Variants in ONECUT2 observed in about 807,000 individuals in gnomAD.
ONECUT2 encodes one cut homeobox 2.
Under a neutral mutation model 27.9 loss-of-function variants are expected in ONECUT2, and 10 were observed. The observed-to-expected ratio is 0.36, with a 90% confidence interval of 0.22 to 0.61. The LOEUF (loss-of-function observed/expected upper bound fraction) is 0.61, where lower values mean the gene tolerates loss of function less well. Among genes scored for constraint, ONECUT2 ranks in the 20% least tolerant of loss-of-function variants. The probability of loss-of-function intolerance (pLI) is 0.73; values close to 1 mark genes in which losing one functional copy is unlikely to be tolerated. For synonymous variants in ONECUT2, 334 were observed against 315.1 expected (o/e 1.06, Z -0.64); for missense variants, 686 against 721.0 (o/e 0.95, Z 0.56).
At chr18:57,467,884 G>C (rs190014526) in intron 1 of ONECUT2, among the ~76,000 whole-genome samples, 1 of 152,156 alleles carries the variant, frequency 6.6e-6, no homozygotes, top group Non-Finnish European at 1.5e-5. Flanking sequence ...TGTGTGCATC[G>C]TGCATGGCCC....
Position 57,478,128 on chromosome 18 carries a change from G to T in ONECUT2, c.*1405G>T, listed in dbSNP as rs1418121782. The T allele has an allele frequency of 6.6e-6, 1 of 152,632 alleles. No individual in the cohort carries two copies. Among genetic ancestry groups the T allele is most frequent in the African/African-American group, 2.4e-5 (1 of 41,450 alleles). The allele number at this position is 152,632 out of a possible 1,614,324, so 9.5% of individuals were successfully genotyped here. A position where few individuals can be genotyped will look rare whatever the true frequency, so the allele number is the denominator to read the frequency against. ...ATGGCATTCAGCTCTTGCATTTGGC[G>T]CATCATCGGGCTGAGCGGACCAGCT... On this transcript the variant is annotated 3_prime_UTR_variant, in exon 2 of 2. Transcript: ENST00000491143.
At position 57,459,833 on chromosome 18, in the gene ONECUT2, A is replaced by G. The variant is rs142087343; in HGVS notation, c.1229-16604A>G. On this transcript the variant is annotated intron_variant, in intron 1 of 1. Transcript: ENST00000491143. ...CTCAGCCTCCCAAAGTGCTGGGATTATAGGCGTGAGCCACCATGCCCGGCC... is the reference window on the plus strand; with the variant it reads ...CTCAGCCTCCCAAAGTGCTGGGATTGTAGGCGTGAGCCACCATGCCCGGCC... Among the ~76,000 whole-genome samples the G allele has an allele frequency of 7.8e-3, 1,188 of 152,350 alleles. 19 individuals are homozygous for G. The highest frequency in any genetic ancestry group is 0.026 in the African/African-American group (1,094 of 41,582).
chr18:57,470,561 A>T (rs906798438), intron 1 of ONECUT2, among the ~76,000 whole-genome samples: 4 of 152,138 alleles, frequency 2.6e-5, no homozygotes, highest in African/African-American at 9.7e-5. Flanking sequence ...GAAACTGACA[A>T]CCCTGGACTG....
chr18:57,448,038 T>C (rs1249952583), intron 1 of ONECUT2, among the ~76,000 whole-genome samples: 8 of 146,370 alleles, frequency 5.5e-5, no homozygotes, highest in Non-Finnish European at 1.1e-4. Context: ...CCCCTGACTC[T>C]GGCCTTTTTC....
intron 1 of ONECUT2, among the ~76,000 whole-genome samples, chr18:57,442,220 T>TAGGATGAG (rs1360614585): frequency 6.7e-6 from 1 of 148,640 alleles, no homozygotes; most frequent in African/African-American, 2.5e-5. Context: ...TAAGTGGGAG[T>TAGGATGAG]AGGATGAGAA....
chr18:57,470,250 G>T (rs1301488123), intron 1 of ONECUT2, among the ~76,000 whole-genome samples: 1 of 152,140 alleles, frequency 6.6e-6, no homozygotes, highest in Non-Finnish European at 1.5e-5. Context: ...AGTTGAGTGG[G>T]GAGTTCCAGT....
At position 57,476,860 on chromosome 18, in the gene ONECUT2, A is replaced by G. The variant is rs1303915826; in HGVS notation, c.*137A>G. ...TTGAAAGCACAATTCTCTTGCAAAGAAACTTATATTCTAGCTGTAATCATA... is the reference window on the plus strand; with the variant it reads ...TTGAAAGCACAATTCTCTTGCAAAGGAACTTATATTCTAGCTGTAATCATA... On this transcript the variant is annotated 3_prime_UTR_variant, in exon 2 of 2. Coordinates refer to ENST00000491143, the MANE Select transcript of ONECUT2 (RefSeq NM_004852.3). 2.0e-6 allele frequency: 2 copies of G among 985,174 alleles called. No individual in the cohort carries two copies. Among genetic ancestry groups the G allele is most frequent in the Admixed American group, 5.7e-5 (2 of 35,232 alleles). 61.0% of individuals were successfully genotyped at this position (985,174 alleles called of 1,614,324 possible).
chr18:57,476,332 A>G, intron 1 of ONECUT2, 105 bp from the exon 2 acceptor site: 1 of 1,207,392 alleles, frequency 8.3e-7, no homozygotes, highest in East Asian at 2.5e-5. Flanking sequence ...TGCACAATAA[A>G]GTTTAACGGT....
intron 1 of ONECUT2, among the ~76,000 whole-genome samples, chr18:57,442,217 G>A (rs1308134600): frequency 2.6e-5 from 4 of 151,124 alleles, no homozygotes; most frequent in Non-Finnish European, 4.4e-5. Flanking sequence ...ACCTAAGTGG[G>A]AGTAGGATGA....
At chr18:57,459,495 A>T (rs2050278209) in intron 1 of ONECUT2, among the ~76,000 whole-genome samples, 2 of 152,220 alleles carry the variant, frequency 1.3e-5, no homozygotes, top group Admixed American at 1.3e-4. Flanking sequence ...ATTTTATCCC[A>T]TGGTATTATT....
Position 57,435,672 on chromosome 18 carries a change from G to A in ONECUT2, c.-45G>A. 1 of 708,418 alleles carries A rather than the reference G, an allele frequency of 1.4e-6. No individual in the cohort carries two copies. Among genetic ancestry groups the A allele is most frequent in the Non-Finnish European group, 1.8e-6 (1 of 563,078 alleles). The allele number at this position is 708,418 out of a possible 1,614,324, so 43.9% of individuals were successfully genotyped here. A position where few individuals can be genotyped will look rare whatever the true frequency, so the allele number is the denominator to read the frequency against. Reference sequence around the variant, plus strand: ...GCCACGCGCGCCTTGCCCGCCCGCCGGCCGCCCCCGCCGCCCCCGCCGCCC... The same window carrying A: ...GCCACGCGCGCCTTGCCCGCCCGCCAGCCGCCCCCGCCGCCCCCGCCGCCC... On this transcript the variant is annotated 5_prime_UTR_variant, in exon 1 of 2. Coordinates refer to ENST00000491143, the MANE Select transcript of ONECUT2 (RefSeq NM_004852.3).
At chr18:57,452,614 G>A (rs1358982688) in intron 1 of ONECUT2, among the ~76,000 whole-genome samples, 1 of 152,122 alleles carries the variant, frequency 6.6e-6, no homozygotes, top group African/African-American at 2.4e-5. Context: ...TAGTAGAGAT[G>A]GGGTTTTGCC....
At chr18:57,450,011 C>T (rs2050221483) in intron 1 of ONECUT2, among the ~76,000 whole-genome samples, 1 of 152,154 alleles carries the variant, frequency 6.6e-6, no homozygotes, top group Non-Finnish European at 1.5e-5. Context: ...GACTGCTGGT[C>T]CATGGCTGAA....
intron 1 of ONECUT2, among the ~76,000 whole-genome samples, chr18:57,445,851 C>G (rs954760790): frequency 6.6e-6 from 1 of 152,270 alleles, no homozygotes; most frequent in East Asian, 1.9e-4. Context: ...CAGCAATACC[C>G]TGGAGTCCCC....
In ONECUT2 at chr18:57,476,804, G is replaced by A. The variant is rs2122154484; in HGVS notation, c.*81G>A. 6 of 1,460,064 alleles carry A rather than the reference G, an allele frequency of 4.1e-6. No individual in the cohort carries two copies. The East Asian group carries it at 7.3e-5, about 18-fold the overall frequency. 90.4% of individuals were successfully genotyped at this position (1,460,064 alleles called of 1,614,324 possible). On this transcript the variant is annotated 3_prime_UTR_variant, in exon 2 of 2. Coordinates refer to ENST00000491143, the MANE Select transcript of ONECUT2 (RefSeq NM_004852.3). ...AAAGAAAACAAAGGAAAAAGACACC[G>A]GATTCCTAGCTGGGGCCCTTCACTG...
rs1409212089 is a variant in ONECUT2 at position 57,472,840 on chromosome 18, G to A, written c.1229-3597G>A. 2.6e-5 allele frequency among the ~76,000 whole-genome samples: 4 copies of A among 152,202 alleles called. No individual in the cohort carries two copies. The East Asian group carries it at 7.7e-4, about 29-fold the overall frequency. On this transcript the variant is annotated intron_variant, in intron 1 of 1. Transcript: ENST00000491143. ...CATTATCTGAAGAATAATCAATATT[G>A]GTATGAAAATTGAGAGCTATGTGGT... is the stretch of plus-strand genomic sequence containing the variant.
chr18:57,443,046 C>G (rs1205362789), intron 1 of ONECUT2, among the ~76,000 whole-genome samples: 1 of 152,112 alleles, frequency 6.6e-6, no homozygotes, highest in African/African-American at 2.4e-5. Flanking sequence ...AAGAAGAGAC[C>G]AGAGGAACAG....
chr18:57,461,821 A>C (rs1346095149), intron 1 of ONECUT2, among the ~76,000 whole-genome samples: 1 of 152,246 alleles, frequency 6.6e-6, no homozygotes, highest in Non-Finnish European at 1.5e-5. Context: ...GCAGCCAGAC[A>C]AAGCCCTCAG....
chr18:57,463,070 A>G (rs780166174), intron 1 of ONECUT2, among the ~76,000 whole-genome samples: 2 of 152,106 alleles, frequency 1.3e-5, no homozygotes, highest in Non-Finnish European at 2.9e-5. Context: ...TTGTTTTGCC[A>G]TCCATACTAA....
Sources: gnomAD v4.1 joint callset for allele counts (sites outside exome capture counted in the v4.1 genomes callset) on GRCh38, gnomAD v4.1.1 for gene constraint, MANE v1.5 for transcripts, NCBI Gene and HGNC (gene_info 2026-07-23, HGNC 2026-07-21) for gene names.